The following STN1 variants were observed in gnomAD, a reference collection of about 807,000 sequenced individuals.
STN1 encodes the protein CST complex subunit STN1.
In STN1, 29 loss-of-function variants were observed where a neutral mutation model predicts 45.5. That is an observed-to-expected ratio of 0.64 (90% CI 0.47 to 0.87). The LOEUF (loss-of-function observed/expected upper bound fraction) is 0.87. STN1 is among the 40% of genes least tolerant of loss of function. The probability of loss-of-function intolerance (pLI) is 0.00; values close to 1 mark genes in which losing one functional copy is unlikely to be tolerated. For synonymous variants in STN1, 148 were observed against 159.0 expected, an observed-to-expected ratio of 0.93 and a Z score of 0.52; for missense variants, 376 against 441.4, an observed-to-expected ratio of 0.85 and a Z score of 1.33.
At chr10:103,883,259 C>T (rs913262347) in intron 9 of STN1, among the ~76,000 whole-genome samples, 4 of 152,260 alleles carry the variant, frequency 2.6e-5, no homozygotes, top group South Asian at 2.1e-4. Context: ...CTGCAGCCTC[C>T]GTATGCTTCC....
chr10:103,909,508 ATG>A (rs1409917758), intron 3 of STN1, among the ~76,000 whole-genome samples: 10 of 57,368 alleles, frequency 1.7e-4, no homozygotes, highest in Non-Finnish European at 4.4e-4. Flanking sequence ...ATATGTATAT[ATG>A]TATATATGTA....
At chr10:103,909,342 C>T (rs1400593067) in intron 3 of STN1, among the ~76,000 whole-genome samples, 2 of 126,828 alleles carry the variant, frequency 1.6e-5, no homozygotes, top group Admixed American at 1.7e-4. Flanking sequence ...ACAGGATGAT[C>T]CTTTTCAGAA....
At chr10:103,916,707 C>A (rs9420907) in intron 2 of STN1, among the ~76,000 whole-genome samples, 115,070 of 151,708 alleles carry the variant, frequency 0.76, 46,114 homozygotes, top group East Asian at 0.99. Flanking sequence ...TACACAGCTA[C>A]GTGAATTATT....
intron 2 of STN1, among the ~76,000 whole-genome samples, chr10:103,914,403 C>A (rs1843314735): frequency 9.5e-6 from 1 of 105,000 alleles, no homozygotes. Context: ...GAGACAGGGT[C>A]TTGCTCTGTT....
intron 3 of STN1, among the ~76,000 whole-genome samples, chr10:103,906,888 C>G (rs923083992): frequency 6.6e-6 from 1 of 152,086 alleles, no homozygotes; most frequent in Non-Finnish European, 1.5e-5. Flanking sequence ...CCTCATATGT[C>G]GATAGTGGGA....
In STN1 at chr10:103,904,202, C is replaced by T. The variant is rs376915646; in HGVS notation, c.295+889G>A. Among the ~76,000 whole-genome samples the T allele has an allele frequency of 3.4e-4, 52 of 152,178 alleles. 1 individual carries two copies. Among genetic ancestry groups the T allele is most frequent in the African/African-American group, 1.2e-3 (48 of 41,516 alleles). ...TAACCCCACTGTGTATGGCACTATA[C>T]TGTATATGTTGTAAAACACAGGAAA... On this transcript the variant is annotated intron_variant, in intron 4 of 9. Transcript: ENST00000224950.
At chr10:103,898,771 G>C in intron 6 of STN1, 106 bp downstream of exon 6, 2 of 1,338,974 alleles carry the variant, frequency 1.5e-6, no homozygotes, top group Non-Finnish European at 2.1e-6. Flanking sequence ...ACAGTGCATA[G>C]GTGGATGATT....
intron 9 of STN1, among the ~76,000 whole-genome samples, chr10:103,887,758 T>C (rs542130606): frequency 3.5e-4 from 53 of 152,334 alleles, no homozygotes; most frequent in African/African-American, 1.3e-3. Context: ...TTAAACCTGC[T>C]ACTTTCAGGA....
At chr10:103,889,004 A>T (rs948792284) in intron 9 of STN1, 68 bp downstream of exon 9, 2 of 1,118,516 alleles carry the variant, frequency 1.8e-6, no homozygotes, top group African/African-American at 1.5e-5. Flanking sequence ...CTCTCCATCC[A>T]GTGCTCCCCG....
At chr10:103,916,876 T>A (rs958317458) in intron 2 of STN1, among the ~76,000 whole-genome samples, 3 of 152,144 alleles carry the variant, frequency 2.0e-5, no homozygotes, top group Non-Finnish European at 4.4e-5. Context: ...GCCCACTATA[T>A]GCCAGGCACT....
intron 2 of STN1, among the ~76,000 whole-genome samples, chr10:103,914,374 A>ATTTTTTTTT (rs1264013304): frequency 5.1e-5 from 5 of 97,416 alleles, no homozygotes; most frequent in African/African-American, 2.4e-4. Context: ...ATATATATAT[A>ATTTTTTTTT]TTTTTTTTTT....
At chr10:103,910,644 G>T in intron 2 of STN1, 22 bp from the exon 3 acceptor site, 1 of 1,365,054 alleles carries the variant, frequency 7.3e-7, no homozygotes. Context: ...AAAAAGCAAA[G>T]TCGACATAAT....
rs2902639 is a variant in STN1, at chr10:103,898,830, G to T, written c.581+47C>A. The T allele has an allele frequency of 1.9e-6, 3 of 1,607,870 alleles. No individual in the cohort carries two copies. In the Admixed American group the frequency reaches 5.0e-5, roughly 27 times the overall value. ...CCAGCATCTGGGCTCAGCTGCTTCAGTTTTCTGCCGTGGTCACGTGCTCAG... is the reference window on the plus strand; with the variant it reads ...CCAGCATCTGGGCTCAGCTGCTTCATTTTTCTGCCGTGGTCACGTGCTCAG... On this transcript the variant is annotated intron_variant, in intron 6 of 9. Transcript: ENST00000224950.
rs1286746475 is a variant in STN1 at position 103,917,616 on chromosome 10, C to T, written c.-22G>A. 5.0e-6 allele frequency: 8 copies of T among 1,610,280 alleles called. No individual in the cohort carries two copies. On this transcript the variant is annotated 5_prime_UTR_variant, in exon 2 of 10. Coordinates refer to ENST00000224950, the MANE Select transcript of STN1 (RefSeq NM_024928.5). The stretch of plus-strand genomic sequence containing the variant: ...GCATCAAGAGGCAGGGCTGTGGCTT[C>T]CAGCTAACTCTGAAAGGTTCTGCAT...
chr10:103,890,872 A>C (rs1185641206), intron 8 of STN1, among the ~76,000 whole-genome samples: 1 of 152,220 alleles, frequency 6.6e-6, no homozygotes, highest in Non-Finnish European at 1.5e-5. Context: ...GAATTTGATC[A>C]GTCTCTGGGA....
chr10:103,887,889 C>G (rs757122604), intron 9 of STN1, among the ~76,000 whole-genome samples: 1 of 152,152 alleles, frequency 6.6e-6, no homozygotes, highest in South Asian at 2.1e-4. Context: ...AGGAGGCCTG[C>G]GAATAGGGTG....
rs368708835 is a variant in STN1, at chr10:103,892,262, G to A, written c.754-10C>T. 1.9e-6 allele frequency: 3 copies of A among 1,581,646 alleles called. No homozygotes were observed. The highest frequency in any genetic ancestry group is 2.0e-5 in the Admixed American group (1 of 49,658). On this transcript the variant is annotated splice_polypyrimidine_tract_variant and intron_variant, in intron 7 of 9. Transcript: ENST00000224950. ...CCTTCTTAAAATTCACCTGTAAAGA[G>A]AGGAAAAAGAAAAAAGAAAAGAAAT...
rs374308806 is a variant in STN1, at chr10:103,900,141, T to C, written c.378A>G (p.Ile126Met). 3.7e-6 allele frequency: 6 copies of C among 1,614,222 alleles called. No homozygotes were observed. The change falls in exon 5 of 10, where the codon ATA (isoleucine) becomes ATG (methionine). Residue 126 changes from isoleucine to methionine, a missense_variant. Physicochemically the swap from Ile to Met is conservative, Grantham distance 10. Coordinates refer to ENST00000224950, the MANE Select transcript of STN1 (RefSeq NM_024928.5). ...TGACTCGGATCGTGTCCCCGATCTC[T>C]ATCTTTGTTTTCTGCTCAATGGTCT... ...LQETIEQKTK[I>M]EIGDTIRVRG...
At chr10:103,910,158 T>C (rs931172656) in intron 3 of STN1, among the ~76,000 whole-genome samples, 6 of 152,204 alleles carry the variant, frequency 3.9e-5, no homozygotes, top group African/African-American at 1.2e-4. Flanking sequence ...ATTAATCTGG[T>C]CTTCGCTTTT....
Sources: gnomAD v4.1 joint callset for allele counts (sites outside exome capture counted in the v4.1 genomes callset) on GRCh38, gnomAD v4.1.1 for gene constraint, MANE v1.5 for transcripts, NCBI Gene and HGNC (gene_info 2026-07-23, HGNC 2026-07-21) for gene names.